Variants in USP31 observed in about 807,000 individuals in gnomAD.
USP31 encodes the protein ubiquitin carboxyl-terminal hydrolase 31.
Under a neutral mutation model 119.4 loss-of-function variants are expected in USP31, and 44 were observed. The observed-to-expected ratio is 0.37, with a 90% CI of 0.29 to 0.47. USP31 has a LOEUF of 0.47. Among genes scored for constraint, USP31 ranks in the 20% least tolerant of loss-of-function variants. USP31 has a pLI of 0.99. For missense variants in USP31, 1,643 were observed against 1,730.2 expected, an observed-to-expected ratio of 0.95 and a Z score of 0.89; for synonymous variants, 749 against 705.6, an observed-to-expected ratio of 1.06 and a Z score of -0.97.
At position 23,109,981 on chromosome 16, in the gene USP31, G is replaced by C. The variant is rs1488052487; in HGVS notation, c.634-1798C>G. 2.0e-5 allele frequency among the ~76,000 whole-genome samples: 3 copies of C among 152,108 alleles called. No individual in the cohort carries two copies. In the East Asian group the frequency reaches 5.8e-4, roughly 29 times the overall value. On this transcript the variant is annotated intron_variant, in intron 1 of 15. Transcript: ENST00000219689. ...AAATGCAATGTGTTATCCCATGGGA[G>C]CCTGGAACAGAAAAAACGCACAAGA...
chr16:23,148,037 G>A (rs1903576199), intron 1 of USP31, among the ~76,000 whole-genome samples: 1 of 152,098 alleles, frequency 6.6e-6, no homozygotes, highest in South Asian at 2.1e-4. Flanking sequence ...ACTTCTTCAA[G>A]TCTTTAATAA....
At chr16:23,105,330 G>C in intron 5 of USP31, 111 bp downstream of exon 5, 1 of 1,327,056 alleles carries the variant, frequency 7.5e-7, no homozygotes. Context: ...AATGCAACTG[G>C]TTTTAAATCT....
intron 12 of USP31, among the ~76,000 whole-genome samples, chr16:23,082,144 C>T (rs920574116): frequency 2.0e-5 from 3 of 152,214 alleles, no homozygotes; most frequent in Non-Finnish European, 4.4e-5. Flanking sequence ...CTACCTCCCC[C>T]AGAAAGGATC....
At chr16:23,089,252 C>T (rs1244530866) in intron 7 of USP31, among the ~76,000 whole-genome samples, 2 of 152,156 alleles carry the variant, frequency 1.3e-5, no homozygotes, top group Admixed American at 6.5e-5. Context: ...AGCTTGGCTG[C>T]GGTCTCTTCA....
chr16:23,128,666 A>T (rs1902939103), intron 1 of USP31, among the ~76,000 whole-genome samples: 1 of 152,246 alleles, frequency 6.6e-6, no homozygotes, highest in African/African-American at 2.4e-5. Context: ...TAATTTCACC[A>T]CTTTCAACCC....
At chr16:23,085,501 A>G (rs528005385) in intron 10 of USP31, 84 bp downstream of exon 10, 321 of 1,220,074 alleles carry the variant, frequency 2.6e-4, no homozygotes, top group Non-Finnish European at 3.6e-4. Flanking sequence ...TTTGTGTTTC[A>G]GCTCATTTAA....
chr16:23,110,980 T>G (rs1902297239), intron 1 of USP31, among the ~76,000 whole-genome samples: 1 of 151,826 alleles, frequency 6.6e-6, no homozygotes, highest in African/African-American at 2.4e-5. Context: ...TACAAAAAAT[T>G]AGCCAGGCGT....
intron 7 of USP31, among the ~76,000 whole-genome samples, 178 bp downstream of exon 7, chr16:23,090,440 CTAATTT>C (rs1468899580): frequency 2.0e-5 from 3 of 151,968 alleles, no homozygotes; most frequent in African/African-American, 7.3e-5. Context: ...CCCCAGATTC[CTAATTT>C]TACTCTCCCC....
chr16:23,082,827 C>CTTTT (rs1200485986), intron 11 of USP31, among the ~76,000 whole-genome samples: 13 of 120,332 alleles, frequency 1.1e-4, no homozygotes, highest in South Asian at 5.4e-4. Flanking sequence ...CTTTCTTTCT[C>CTTTT]TCTCTTTTTT....
chr16:23,131,058 C>T (rs1253991326), intron 1 of USP31, among the ~76,000 whole-genome samples: 5 of 152,228 alleles, frequency 3.3e-5, no homozygotes, highest in African/African-American at 7.2e-5. Context: ...ACTTGTAATC[C>T]CAGCACTTTA....
At chr16:23,071,937 G>A (rs1900363654) in intron 15 of USP31, 108 bp downstream of exon 15, 1 of 1,451,652 alleles carries the variant, frequency 6.9e-7, no homozygotes, top group Admixed American at 2.2e-5. Flanking sequence ...GCTCCCTTTG[G>A]GTTCTCCTAC....
intron 7 of USP31, among the ~76,000 whole-genome samples, chr16:23,089,750 A>G (rs1567231800): frequency 6.6e-6 from 1 of 152,018 alleles, no homozygotes; most frequent in South Asian, 2.1e-4. Flanking sequence ...ACACCCATAC[A>G]CTCTTACAGA....
chr16:23,080,217 C>CAG, intron 12 of USP31, 46 bp from the exon 13 acceptor site: 2 of 1,480,998 alleles, frequency 1.4e-6, no homozygotes, highest in Non-Finnish European at 1.8e-6. Flanking sequence ...TTAATGCAAG[C>CAG]AGATGGCAGA....
chr16:23,068,029 C>G lies in USP31; in HGVS notation c.*17G>C, dbSNP rs368133756. On this transcript the variant is annotated 3_prime_UTR_variant, in exon 16 of 16. Transcript: ENST00000219689. ...AATAAACATCTTTACAGATAAAACA[C>G]TTTGATTGCAGAAATATCACTGAGG... 9.4e-6 allele frequency: 15 copies of G among 1,597,260 alleles called. No homozygotes were observed. In the African/African-American group the frequency reaches 2.0e-4, roughly 22 times the overall value.
At chr16:23,103,049 G>T (rs1025238219) in intron 5 of USP31, among the ~76,000 whole-genome samples, 1 of 152,180 alleles carries the variant, frequency 6.6e-6, no homozygotes, top group East Asian at 1.9e-4. Context: ...GACACTGAGG[G>T]ACACCTGTAC....
In USP31 at chr16:23,069,027, G is replaced by A. The variant is rs768366672; in HGVS notation, c.3078C>T (p.Ser1026=). ...GCTCAGAAGTGCCTTTGGAACTGGG[G>A]GATCTCTTAGTTGTGCTCTCTGGTT... ...AKKPESTTKR[S]PSSKGTSEPE... Residue 1026 remains serine (S), a synonymous_variant, in exon 16 of 16, where the codon TCC becomes TCT. Coordinates refer to ENST00000219689, the MANE Select transcript of USP31 (RefSeq NM_020718.4). 6 of 1,613,360 alleles carry A rather than the reference G, an allele frequency of 3.7e-6. No homozygotes were observed. In the Admixed American group the frequency reaches 1.0e-4, roughly 27 times the overall value.
intron 7 of USP31, among the ~76,000 whole-genome samples, chr16:23,089,177 A>G (rs368505619): frequency 3.5e-4 from 54 of 152,184 alleles, no homozygotes; most frequent in African/African-American, 7.2e-4. Context: ...TCTTGTGTGC[A>G]TGTACCGGGT....
In USP31 at chr16:23,073,831, G is replaced by A. The variant is rs373585878; in HGVS notation, c.2226C>T (p.Ser742=). The A allele has an allele frequency of 2.5e-5, 41 of 1,614,030 alleles. No homozygotes were observed. The highest frequency in any genetic ancestry group is 5.5e-5 in the South Asian group (5 of 91,066). ...VDGLWYCFDD[S]DVQQLSEDEV... The stretch of plus-strand genomic sequence containing the variant: ...CATCTTCTGACAGCTGCTGCACATC[G>A]CTGTCATCGAAGCAGTACCAGAGGC... The change falls in exon 14 of 16, where the codon AGC becomes AGT. Residue 742 remains serine (S), a synonymous_variant. Transcript: ENST00000219689.
Position 23,072,208 on chromosome 16 carries a change from G to T in USP31, c.2336-11C>A. The T allele has an allele frequency of 6.2e-7, 1 of 1,602,660 alleles. No individual in the cohort carries two copies. The highest frequency in any genetic ancestry group is 2.2e-5 in the East Asian group (1 of 44,862). ...AAGAACTTGTGGAGCCTGCAGAGAA[G>T]AAAACAGGCATAGAGGTCAGGCTGG... On this transcript the variant is annotated splice_polypyrimidine_tract_variant and intron_variant, in intron 14 of 15. Transcript: ENST00000219689.
Sources: allele counts gnomAD v4.1 joint callset (sites outside exome capture counted in the v4.1 genomes callset), GRCh38; gene constraint gnomAD v4.1.1; transcripts MANE v1.5; gene names NCBI Gene and HGNC (gene_info 2026-07-23, HGNC 2026-07-21).